The following FSTL1 variants were observed in gnomAD, a reference collection of about 807,000 sequenced individuals.
FSTL1 encodes follistatin-related protein 1.
A neutral mutation model predicts 45.9 loss-of-function variants in FSTL1; 24 were observed. That is an observed-to-expected ratio of 0.52 (90% confidence interval 0.38 to 0.74). The LOEUF (loss-of-function observed/expected upper bound fraction) is 0.74. FSTL1 is among the 30% of genes least tolerant of loss of function. FSTL1 has a pLI of 0.00. For missense variants in FSTL1, 340 were observed against 381.8 expected (o/e 0.89, Z 0.91); for synonymous variants, 120 against 137.6 (o/e 0.87, Z 0.89).
chr3:120,422,347 C>A (rs892169504), intron 2 of FSTL1, among the ~76,000 whole-genome samples: 1 of 152,158 alleles, frequency 6.6e-6, no homozygotes, highest in African/African-American at 2.4e-5. Flanking sequence ...TCAACATGCA[C>A]ACACACAAAA....
intron 9 of FSTL1, among the ~76,000 whole-genome samples, 161 bp downstream of exon 9, chr3:120,402,647 C>A (rs1270751291): frequency 6.6e-6 from 1 of 152,128 alleles, no homozygotes; most frequent in Non-Finnish European, 1.5e-5. Context: ...GCCCTCAAAG[C>A]TCCCCACTTG....
chr3:120,428,229 G>A (rs1220702261), intron 2 of FSTL1, among the ~76,000 whole-genome samples: 1 of 152,200 alleles, frequency 6.6e-6, no homozygotes, highest in Admixed American at 6.5e-5. Context: ...TGAAACACGA[G>A]TTGCCGGGAC....
chr3:120,434,617 G>A (rs1716835), intron 2 of FSTL1, among the ~76,000 whole-genome samples: 90,227 of 152,012 alleles, frequency 0.59, 29,834 homozygotes, highest in East Asian at 0.79. Flanking sequence ...AAACGCACAC[G>A]AACTTTGTAA....
At chr3:120,434,577 ATTAC>A (rs1937521376) in intron 2 of FSTL1, among the ~76,000 whole-genome samples, 1 of 152,216 alleles carries the variant, frequency 6.6e-6, no homozygotes, top group Non-Finnish European at 1.5e-5. Flanking sequence ...TTTGGGAAAC[ATTAC>A]TTATTATACT....
intron 2 of FSTL1, among the ~76,000 whole-genome samples, chr3:120,428,926 T>C (rs1937431123): frequency 6.6e-6 from 1 of 152,216 alleles, no homozygotes; most frequent in South Asian, 2.1e-4. Context: ...TCTCCATATG[T>C]GTGGCTCAGT....
intron 10 of FSTL1, among the ~76,000 whole-genome samples, chr3:120,397,622 G>C (rs1450411634): frequency 6.6e-6 from 1 of 152,200 alleles, no homozygotes; most frequent in African/African-American, 2.4e-5. Flanking sequence ...CAAAACCGTT[G>C]GTGAGTATGT....
At chr3:120,399,838 G>A (rs1936782689) in intron 10 of FSTL1, 45 bp downstream of exon 10, 1 of 1,332,276 alleles carries the variant, frequency 7.5e-7, no homozygotes, top group Non-Finnish European at 1.1e-6. Context: ...TATAGGGCCT[G>A]ATGGCAACAG....
intron 2 of FSTL1, among the ~76,000 whole-genome samples, chr3:120,449,719 G>A (rs896048100): frequency 6.6e-6 from 1 of 152,142 alleles, no homozygotes; most frequent in African/African-American, 2.4e-5. Context: ...GATGCTAAGG[G>A]TGTGGTTAAA....
intron 2 of FSTL1, among the ~76,000 whole-genome samples, chr3:120,438,028 G>C (rs1441850816): frequency 6.6e-6 from 1 of 152,126 alleles, no homozygotes; most frequent in African/African-American, 2.4e-5. Flanking sequence ...CCTGGATCCT[G>C]ATCATGGGCC....
chr3:120,392,771 G>A lies in FSTL1; in HGVS notation c.*4181C>T, dbSNP rs1460262139. 6.6e-6 allele frequency: 1 copy of A among 152,032 alleles called. No homozygotes were observed. Among genetic ancestry groups the A allele is most frequent in the African/African-American group, 2.4e-5 (1 of 41,392 alleles). 9.4% of individuals were successfully genotyped at this position (152,032 alleles called of 1,614,324 possible). On this transcript the variant is annotated 3_prime_UTR_variant, in exon 11 of 11. Coordinates refer to ENST00000295633, the MANE Select transcript of FSTL1 (RefSeq NM_007085.5). Reference sequence around the variant, plus strand: ...CATATCCCAGCTAGGATTATTCCAGGGCTCTGAAGGCATCTGCTTAGATCT... The same window carrying A: ...CATATCCCAGCTAGGATTATTCCAGAGCTCTGAAGGCATCTGCTTAGATCT...
At chr3:120,404,802 TCA>T (rs1291239378) in intron 7 of FSTL1, 49 bp downstream of exon 7, 2 of 936,772 alleles carry the variant, frequency 2.1e-6, no homozygotes, top group East Asian at 2.4e-5. Flanking sequence ...GTCCCCTCTC[TCA>T]GTTAGTCTTC....
At chr3:120,403,975 A>ACG (rs61136163) in intron 7 of FSTL1, among the ~76,000 whole-genome samples, 1 of 99,794 alleles carries the variant, frequency 1.0e-5, no homozygotes, top group Non-Finnish European at 2.5e-5. Context: ...AACAAAAACA[A>ACG]AAAAAAACAA....
chr3:120,437,132 G>A (rs986834987), intron 2 of FSTL1, among the ~76,000 whole-genome samples: 40 of 152,162 alleles, frequency 2.6e-4, no homozygotes, highest in African/African-American at 9.7e-4. Flanking sequence ...GAAATTTCTC[G>A]GACCATCTTT....
At chr3:120,422,539 T>G (rs1449450148) in intron 2 of FSTL1, among the ~76,000 whole-genome samples, 1 of 152,210 alleles carries the variant, frequency 6.6e-6, no homozygotes, top group Non-Finnish European at 1.5e-5. Flanking sequence ...AAAATGTCAT[T>G]TACAGTCTCT....
At chr3:120,411,130 C>G in intron 4 of FSTL1, 146 bp from the exon 5 acceptor site, 1 of 600,498 alleles carries the variant, frequency 1.7e-6, no homozygotes. Flanking sequence ...CCCTTCCTTT[C>G]CTTCTTCTAG....
chr3:120,409,751 A>G (rs768555978), intron 5 of FSTL1, 89 bp from the exon 6 acceptor site: 10 of 1,206,828 alleles, frequency 8.3e-6, no homozygotes, highest in Non-Finnish European at 1.2e-5. Flanking sequence ...ATCCGTGCCC[A>G]TGGTTCTGCA....
At position 120,394,301 on chromosome 3, in the gene FSTL1, CAATAGTATCCGA is replaced by C. The variant is rs1936652140; in HGVS notation, c.*2639_*2650del. ...CCATCACTTTAATTTCTTTATTCAT[CAATAGTATCCGA>C]AAAGGAAGAATCAGGAGTTACAAAA... On this transcript the variant is annotated 3_prime_UTR_variant, in exon 11 of 11. Transcript: ENST00000295633. 1.3e-5 allele frequency: 2 copies of C among 152,186 alleles called. No homozygotes were observed. The highest frequency in any genetic ancestry group is 1.3e-4 in the Admixed American group (2 of 15,268). The allele number at this position is 152,186 out of a possible 1,614,324, so 9.4% of individuals were successfully genotyped here. A position where few individuals can be genotyped will look rare whatever the true frequency, so the allele number is the denominator to read the frequency against.
At chr3:120,398,117 A>C (rs960349419) in intron 10 of FSTL1, among the ~76,000 whole-genome samples, 5 of 152,276 alleles carry the variant, frequency 3.3e-5, no homozygotes, top group African/African-American at 1.2e-4. Flanking sequence ...GGTTACTTCT[A>C]ATGGGTATGG....
At chr3:120,406,015 T>C (rs577628039) in intron 6 of FSTL1, among the ~76,000 whole-genome samples, 246 of 152,190 alleles carry the variant, frequency 1.6e-3, no homozygotes, top group African/African-American at 5.7e-3. Context: ...GGAAGAAACA[T>C]CTATCCAAAT....
Sources: gnomAD v4.1 joint callset for allele counts (sites outside exome capture counted in the v4.1 genomes callset) on GRCh38, gnomAD v4.1.1 for gene constraint, MANE v1.5 for transcripts, NCBI Gene and HGNC (gene_info 2026-07-23, HGNC 2026-07-21) for gene names.